Variants in STK4 observed in about 807,000 individuals in gnomAD.
STK4 encodes serine/threonine kinase 4, also known as serine/threonine-protein kinase 4.
Under a neutral mutation model 64.9 loss-of-function variants are expected in STK4, and 30 were observed. The ratio of observed to expected loss-of-function variants is 0.46; its 90% confidence interval spans 0.35 to 0.63. The LOEUF (loss-of-function observed/expected upper bound fraction) is 0.63. STK4 is among the 20% of genes least tolerant of loss of function. The pLI is 0.01. For synonymous variants in STK4, 177 were observed against 199.0 expected (o/e 0.89, Z 0.93); for missense variants, 466 against 598.5 (o/e 0.78, Z 2.31).
intron 10 of STK4, among the ~76,000 whole-genome samples, chr20:45,059,680 CTG>C (rs1165511573): frequency 5.3e-5 from 8 of 152,152 alleles, no homozygotes; most frequent in African/African-American, 1.9e-4. Flanking sequence ...CTTTGGTTGA[CTG>C]TGGGTAACTG....
At chr20:45,019,414 A>G (rs1401886121) in intron 9 of STK4, among the ~76,000 whole-genome samples, 1 of 152,218 alleles carries the variant, frequency 6.6e-6, no homozygotes, top group African/African-American at 2.4e-5. Context: ...CTGTATGGAT[A>G]CACTGCATTT....
At chr20:45,010,857 T>A (rs1372390211) in intron 9 of STK4, among the ~76,000 whole-genome samples, 1 of 152,222 alleles carries the variant, frequency 6.6e-6, no homozygotes, top group Non-Finnish European at 1.5e-5. Flanking sequence ...GACAGATGGT[T>A]TTCAAAGGGA....
At chr20:44,999,067 C>CAA (rs71339807) in intron 7 of STK4, among the ~76,000 whole-genome samples, 3,774 of 127,674 alleles carry the variant, frequency 0.03, 163 homozygotes, top group African/African-American at 0.1. Flanking sequence ...GACTCCATCT[C>CAA]AAAAAAAAAA....
intron 9 of STK4, among the ~76,000 whole-genome samples, chr20:45,010,927 G>A (rs1225845882): frequency 6.6e-6 from 1 of 152,180 alleles, no homozygotes; most frequent in African/African-American, 2.4e-5. Flanking sequence ...TTGGATGTAT[G>A]TATCTGAATC....
chr20:45,021,501 C>G (rs1218448266), intron 9 of STK4, among the ~76,000 whole-genome samples: 2 of 152,230 alleles, frequency 1.3e-5, no homozygotes, highest in Non-Finnish European at 2.9e-5. Flanking sequence ...TCACTAAATA[C>G]AAGGATCAGC....
chr20:45,045,140 G>A (rs1315187672), intron 10 of STK4, among the ~76,000 whole-genome samples: 1 of 152,176 alleles, frequency 6.6e-6, no homozygotes, highest in African/African-American at 2.4e-5. Flanking sequence ...GTTAAGCCTG[G>A]ATTTCTGGTA....
At chr20:45,074,729 T>C (rs1980375444) in intron 10 of STK4, among the ~76,000 whole-genome samples, 2 of 152,186 alleles carry the variant, frequency 1.3e-5, no homozygotes. Context: ...ACTTAAAAGA[T>C]AGGGGAGGTG....
At chr20:44,988,840 A>G (rs948189758) in intron 5 of STK4, among the ~76,000 whole-genome samples, 1 of 151,854 alleles carries the variant, frequency 6.6e-6, no homozygotes, top group African/African-American at 2.4e-5. Context: ...TTCTGTCACT[A>G]TAGATTTGCA....
chr20:44,972,237 C>T lies in STK4; in HGVS notation c.116+79C>T, dbSNP rs1415801155. On this transcript the variant is annotated intron_variant, in intron 2 of 10. Coordinates refer to ENST00000372806, the MANE Select transcript of STK4 (RefSeq NM_006282.5). Reference sequence around the variant, plus strand: ...CCAGAAGAAGCAGAAGGATATGAACCTTTCAGCATTGTTCTAGGTGGGGTG... The same window carrying T: ...CCAGAAGAAGCAGAAGGATATGAACTTTTCAGCATTGTTCTAGGTGGGGTG... 3.1e-6 allele frequency: 4 copies of T among 1,296,592 alleles called. No individual in the cohort carries two copies. In the East Asian group the frequency reaches 9.3e-5, roughly 30 times the overall value. The allele number at this position is 1,296,592 out of a possible 1,614,324, so 80.3% of individuals were successfully genotyped here.
chr20:45,070,275 T>C (rs976518270), intron 10 of STK4, among the ~76,000 whole-genome samples: 1 of 152,220 alleles, frequency 6.6e-6, no homozygotes, highest in African/African-American at 2.4e-5. Flanking sequence ...AAGGGTGAGG[T>C]GATTGGATTC....
At chr20:45,028,177 A>G (rs544959198) in intron 10 of STK4, among the ~76,000 whole-genome samples, 2 of 151,906 alleles carry the variant, frequency 1.3e-5, no homozygotes, top group Non-Finnish European at 2.9e-5. Context: ...TTTTTAAGGA[A>G]CCTCTATACT....
chr20:45,000,327 C>T, intron 7 of STK4, 65 bp from the exon 8 acceptor site: 5 of 1,545,306 alleles, frequency 3.2e-6, no homozygotes, highest in Non-Finnish European at 4.4e-6. Context: ...TACTGTGTTC[C>T]AGGTACTGTT....
At chr20:45,050,714 G>A (rs368891590) in intron 10 of STK4, among the ~76,000 whole-genome samples, 15 of 152,070 alleles carry the variant, frequency 9.9e-5, no homozygotes, top group South Asian at 6.2e-4. Context: ...ATCTTTTAAA[G>A]CTTTGTATAT....
intron 9 of STK4, among the ~76,000 whole-genome samples, chr20:45,012,466 A>G (rs2068068014): frequency 6.6e-6 from 1 of 152,220 alleles, no homozygotes; most frequent in South Asian, 2.1e-4. Flanking sequence ...CTATGCATGA[A>G]CATGGTTTAT....
chr20:45,001,239 A>AG lies in STK4; in HGVS notation c.1034dup (p.Ser345ArgfsTer5). 1 of 1,614,232 alleles carries AG rather than the reference A, an allele frequency of 6.2e-7. No homozygotes were observed. On this transcript the variant is annotated frameshift_variant, in exon 9 of 11. Transcript: ENST00000372806. LOFTEE classifies it high-confidence loss of function. The stretch of plus-strand genomic sequence containing the variant: ...TGAGATGGGCACTGTCCGAGTAGCC[A>AG]GCACCATGACTGATGGAGCCAATAC...
chr20:45,034,513 T>C lies in STK4; in HGVS notation c.1305+9383T>C, dbSNP rs568437149. 6.6e-5 allele frequency among the ~76,000 whole-genome samples: 10 copies of C among 152,272 alleles called. No homozygotes were observed. The East Asian group carries it at 1.3e-3, about 21-fold the overall frequency. ...ATGTGGAAGTGTAAATGCATAAAAA[T>C]ATGCAAGATACTTTTGAACAAGAAG... On this transcript the variant is annotated intron_variant, in intron 10 of 10. Transcript: ENST00000372806.
intron 10 of STK4, among the ~76,000 whole-genome samples, chr20:45,050,458 T>A (rs1178150065): frequency 1.3e-5 from 2 of 152,230 alleles, no homozygotes; most frequent in African/African-American, 2.4e-5. Flanking sequence ...ATAACATCTT[T>A]GCATGGTACG....
At chr20:45,016,670 A>G (rs1324151460) in intron 9 of STK4, among the ~76,000 whole-genome samples, 1 of 152,212 alleles carries the variant, frequency 6.6e-6, no homozygotes, top group African/African-American at 2.4e-5. Flanking sequence ...AGGATATGAA[A>G]GTACCAGATC....
chr20:45,028,320 T>C (rs2068387960), intron 10 of STK4, among the ~76,000 whole-genome samples: 1 of 151,832 alleles, frequency 6.6e-6, no homozygotes, highest in Non-Finnish European at 1.5e-5. Flanking sequence ...GGTGAGATGA[T>C]ATCTCTCTTT....
Sources: gnomAD v4.1 joint callset for allele counts (sites outside exome capture counted in the v4.1 genomes callset) on GRCh38, gnomAD v4.1.1 for gene constraint, MANE v1.5 for transcripts, NCBI Gene and HGNC (gene_info 2026-07-23, HGNC 2026-07-21) for gene names.